GALNTL6: variants seen among roughly 807,000 people sequenced by gnomAD.
GALNTL6 encodes polypeptide N-acetylgalactosaminyltransferase-like 6.
In GALNTL6, 46 loss-of-function variants were observed where a neutral mutation model predicts 73.7. The ratio of observed to expected loss-of-function variants is 0.62; its 90% confidence interval spans 0.49 to 0.80. The LOEUF is 0.80. Among genes scored for constraint, GALNTL6 ranks in the 30% least tolerant of loss-of-function variants. GALNTL6 has a pLI of 0.00. For missense variants in GALNTL6, 604 were observed against 755.0 expected, an observed-to-expected ratio of 0.80 and a Z score of 2.34; for synonymous variants, 259 against 263.7, an observed-to-expected ratio of 0.98 and a Z score of 0.17.
intron 7 of GALNTL6, among the ~76,000 whole-genome samples, chr4:172,834,345 A>C (rs931450321): frequency 6.6e-6 from 1 of 152,150 alleles, no homozygotes; most frequent in Non-Finnish European, 1.5e-5. Flanking sequence ...TGTCTGCCCT[A>C]TATGTGGAGC....
chr4:172,364,333 G>T (rs1742481195), intron 5 of GALNTL6, among the ~76,000 whole-genome samples: 1 of 152,080 alleles, frequency 6.6e-6, no homozygotes, highest in African/African-American at 2.4e-5. Context: ...TGGGAGGATG[G>T]CTTGAGCTTA....
chr4:172,966,388 A>G (rs1372221825), intron 10 of GALNTL6, among the ~76,000 whole-genome samples: 5 of 150,914 alleles, frequency 3.3e-5, no homozygotes, highest in African/African-American at 4.9e-5. Context: ...TTTTTAAAAC[A>G]GGGAGTCGAT....
intron 2 of GALNTL6, among the ~76,000 whole-genome samples, chr4:171,873,033 C>T (rs1409964714): frequency 6.6e-6 from 1 of 152,080 alleles, no homozygotes; most frequent in East Asian, 1.9e-4. Flanking sequence ...ATACTTATTA[C>T]TATCATAGGA....
chr4:171,841,635 G>A (rs1338558293), intron 2 of GALNTL6, among the ~76,000 whole-genome samples: 3 of 151,882 alleles, frequency 2.0e-5, no homozygotes, highest in Non-Finnish European at 4.4e-5. Context: ...ATTCCTTTAG[G>A]AGGAAATAGA....
intron 5 of GALNTL6, among the ~76,000 whole-genome samples, chr4:172,683,771 C>T (rs1199694417): frequency 6.6e-6 from 1 of 152,088 alleles, no homozygotes; most frequent in Non-Finnish European, 1.5e-5. Flanking sequence ...ATACTATTCA[C>T]AACTAAGCAG....
intron 5 of GALNTL6, among the ~76,000 whole-genome samples, chr4:172,758,437 G>A (rs952966660): frequency 2.0e-5 from 3 of 152,190 alleles, no homozygotes. Context: ...TTGGGAGGCT[G>A]AGGCAGGAGA....
intron 5 of GALNTL6, among the ~76,000 whole-genome samples, chr4:172,386,530 T>C (rs1237132333): frequency 6.6e-6 from 1 of 151,996 alleles, no homozygotes; most frequent in Non-Finnish European, 1.5e-5. Flanking sequence ...GAGAAGGGAT[T>C]TATTAGGGCA....
chr4:172,380,103 A>G (rs1333604901), intron 5 of GALNTL6: 2 of 984,836 alleles, frequency 2.0e-6, no homozygotes, highest in East Asian at 2.4e-5. Flanking sequence ...TGGTGTTTCC[A>G]CTGCTCCTCT....
At chr4:172,169,285 T>C (rs1372779061) in intron 2 of GALNTL6, among the ~76,000 whole-genome samples, 1 of 152,198 alleles carries the variant, frequency 6.6e-6, no homozygotes, top group African/African-American at 2.4e-5. Flanking sequence ...ACCAGAGATA[T>C]TCAACCAGAG....
chr4:172,392,870 C>T lies in GALNTL6; in HGVS notation c.553+44181C>T, dbSNP rs552628378. 3.5e-4 allele frequency among the ~76,000 whole-genome samples: 53 copies of T among 152,238 alleles called. 1 individual carries two copies. Among genetic ancestry groups the T allele is most frequent in the African/African-American group, 1.2e-3 (48 of 41,544 alleles). ...TCAGGGGTCCACAACTCCCAGGCTG[C>T]GGACTTGTACCAGTCCCCGCCCTGT... is the stretch of plus-strand genomic sequence containing the variant. On this transcript the variant is annotated intron_variant, in intron 5 of 12. Coordinates refer to ENST00000506823, the MANE Select transcript of GALNTL6 (RefSeq NM_001034845.3).
chr4:172,572,271 A>G (rs1736791571), intron 5 of GALNTL6, among the ~76,000 whole-genome samples: 1 of 152,152 alleles, frequency 6.6e-6, no homozygotes, highest in Non-Finnish European at 1.5e-5. Flanking sequence ...TCTGGAAGAT[A>G]ATGATGATAA....
At chr4:172,464,045 T>A (rs1732712337) in intron 5 of GALNTL6, among the ~76,000 whole-genome samples, 1 of 152,158 alleles carries the variant, frequency 6.6e-6, no homozygotes, top group Non-Finnish European at 1.5e-5. Context: ...TCTTTGTTTG[T>A]CTTTTTCTTT....
chr4:172,979,332 C>G (rs1561067660), intron 10 of GALNTL6, among the ~76,000 whole-genome samples: 3 of 152,182 alleles, frequency 2.0e-5, no homozygotes, highest in Non-Finnish European at 4.4e-5. Context: ...CAAATATTCT[C>G]TCTTTAAGAA....
At chr4:171,815,014 A>C in intron 2 of GALNTL6, 1 of 510,994 alleles carries the variant, frequency 2.0e-6, no homozygotes, top group South Asian at 3.7e-5. Flanking sequence ...GATGAAAGGT[A>C]ACTGTTCAGC....
At chr4:171,976,875 T>C (rs894616850) in intron 2 of GALNTL6, among the ~76,000 whole-genome samples, 1 of 152,168 alleles carries the variant, frequency 6.6e-6, no homozygotes, top group South Asian at 2.1e-4. Flanking sequence ...AAAATGTTCA[T>C]GAGAGAAAAA....
At chr4:172,825,320 A>C (rs1742204539) in intron 7 of GALNTL6, among the ~76,000 whole-genome samples, 1 of 151,974 alleles carries the variant, frequency 6.6e-6, no homozygotes, top group African/African-American at 2.4e-5. Context: ...TGCCAGTGGA[A>C]AGGCTCGTGC....
chr4:172,306,590 A>G (rs769631046), intron 3 of GALNTL6, among the ~76,000 whole-genome samples: 16 of 152,156 alleles, frequency 1.1e-4, no homozygotes, highest in Non-Finnish European at 2.4e-4. Flanking sequence ...ACTGAACCCA[A>G]TGTGTAGTCT....
chr4:172,570,734 A>G (rs1436521048), intron 5 of GALNTL6, among the ~76,000 whole-genome samples: 3 of 152,174 alleles, frequency 2.0e-5, no homozygotes, highest in Non-Finnish European at 4.4e-5. Context: ...TTTATTGTGC[A>G]CTTTATTTCT....
chr4:172,280,051 G>A (rs1309880480), intron 3 of GALNTL6, among the ~76,000 whole-genome samples: 1 of 152,128 alleles, frequency 6.6e-6, no homozygotes. Context: ...AAAACAGAAA[G>A]CAGAATAGTA....
Sources: allele counts gnomAD v4.1 joint callset (sites outside exome capture counted in the v4.1 genomes callset), GRCh38; gene constraint gnomAD v4.1.1; transcripts MANE v1.5; gene names NCBI Gene and HGNC (gene_info 2026-07-23, HGNC 2026-07-21).